The following KIF1B variants were observed in gnomAD, a reference collection of about 807,000 sequenced individuals.
KIF1B encodes the protein kinesin-like protein KIF1B.
In KIF1B, 76 loss-of-function variants were observed where a neutral mutation model predicts 241.9. The observed-to-expected ratio is 0.31, with a 90% CI of 0.26 to 0.38. KIF1B has a LOEUF of 0.38. KIF1B is among the 10% of genes least tolerant of loss of function. KIF1B has a pLI of 1.00. For synonymous variants in KIF1B, 750 were observed against 796.7 expected (o/e 0.94, Z 0.99); for missense variants, 1,622 against 2,271.4 (o/e 0.71, Z 5.81).
intron 25 of KIF1B, 111 bp from the exon 26 acceptor site, chr1:10,324,647 C>G (rs1651655464): frequency 1.6e-6 from 2 of 1,238,418 alleles, no homozygotes; most frequent in Non-Finnish European, 2.4e-6. Flanking sequence ...ACAGTGGGAG[C>G]AACTCCTTTT....
At chr1:10,364,564 AT>A (rs1325172938) in intron 41 of KIF1B, among the ~76,000 whole-genome samples, 9 of 152,228 alleles carry the variant, frequency 5.9e-5, no homozygotes, top group Middle Eastern at 3.4e-3. Context: ...TAACATCATA[AT>A]TTTATCATTT....
chr1:10,345,988 A>G, intron 35 of KIF1B, 35 bp downstream of exon 35: 1 of 1,334,612 alleles, frequency 7.5e-7, no homozygotes, highest in African/African-American at 1.4e-5. Context: ...AAATAAGGCA[A>G]AATGTTTCAA....
Position 10,320,043 on chromosome 1 carries a change from G to A in KIF1B, c.2116G>A (p.Asp706Asn). The change falls in exon 23 of 49, where the codon GAC (aspartate) becomes AAC (asparagine). Residue 706 changes from aspartate (D) to asparagine (N), a missense_variant and splice_region_variant. Coordinates refer to ENST00000676179, the MANE Select transcript of KIF1B (RefSeq NM_001365951.3). ...ADLLLEQQRL[D>N]YESKLQALQK... is the part of the protein sequence containing the mutation. ...TGTTATCTCCTTTCTTTTCATTCAG[G>A]ACTATGAGAGTAAATTGCAGGCCTT... The A allele has an allele frequency of 6.2e-7, 1 of 1,606,700 alleles. No individual in the cohort carries two copies. Among genetic ancestry groups the A allele is most frequent in the South Asian group, 1.1e-5 (1 of 90,886 alleles).
Position 10,277,973 on chromosome 1 carries a change from T to G in KIF1B, c.1038-13T>G. On this transcript the variant is annotated splice_polypyrimidine_tract_variant and intron_variant, in intron 12 of 48. Coordinates refer to ENST00000676179, the MANE Select transcript of KIF1B (RefSeq NM_001365951.3). Reference sequence around the variant, plus strand: ...TGAGAAATGACAAGAACAAATTTTCTTTTTGGATCTAGATATGCAGATCGT... The same window carrying G: ...TGAGAAATGACAAGAACAAATTTTCGTTTTGGATCTAGATATGCAGATCGT... 6.2e-7 allele frequency: 1 copy of G among 1,612,514 alleles called. No individual in the cohort carries two copies. The highest frequency in any genetic ancestry group is 8.5e-7 in the Non-Finnish European group (1 of 1,178,868).
At chr1:10,248,005 G>A (rs540443292) in intron 2 of KIF1B, among the ~76,000 whole-genome samples, 13 of 152,180 alleles carry the variant, frequency 8.5e-5, no homozygotes, top group Admixed American at 2.0e-4. Flanking sequence ...ACAGATGCTC[G>A]CCTGTTGCTC....
intron 32 of KIF1B, among the ~76,000 whole-genome samples, chr1:10,340,932 C>A (rs1556917): frequency 0.35 from 52,610 of 152,108 alleles, 9,274 homozygotes; most frequent in Admixed American, 0.38. Context: ...CATGTCTGCT[C>A]TCTAAAGTAA....
At chr1:10,258,805 A>G (rs1395903926) in intron 4 of KIF1B, 133 bp downstream of exon 4, 2 of 893,974 alleles carry the variant, frequency 2.2e-6, no homozygotes, top group African/African-American at 3.3e-5. Flanking sequence ...TGAACAACCC[A>G]TTATTTTCCC....
chr1:10,248,232 G>A (rs1477618040), intron 2 of KIF1B, among the ~76,000 whole-genome samples: 1 of 152,106 alleles, frequency 6.6e-6, no homozygotes, highest in African/African-American at 2.4e-5. Context: ...GTCTCGTTAT[G>A]TTGCCCAGGC....
chr1:10,349,880 AC>A (rs966707725), intron 37 of KIF1B, among the ~76,000 whole-genome samples: 6 of 152,228 alleles, frequency 3.9e-5, no homozygotes, highest in Admixed American at 3.9e-4. Context: ...TACAAAGGAA[AC>A]CGATAATATT....
chr1:10,249,662 G>A (rs1647330784), intron 2 of KIF1B, among the ~76,000 whole-genome samples: 1 of 152,322 alleles, frequency 6.6e-6, no homozygotes, highest in South Asian at 2.1e-4. Flanking sequence ...AGCACTTTGG[G>A]AGGCCAAAAC....
Position 10,365,632 on chromosome 1 carries a change from A to G in KIF1B, c.4736A>G (p.Lys1579Arg). Residue 1579 changes from lysine (K) to arginine (R), a missense_variant, in exon 43 of 49, where the codon AAA (lysine) becomes AGA (arginine). Transcript: ENST00000676179. The surrounding 1 kb of genome is among the most constrained non-coding windows in gnomAD (Gnocchi z 4.0). ...GDIESLVDRE[K>R]ELATKCLQLL... Reference sequence around the variant, plus strand: ...ATCGAAAGCCTGGTGGACCGAGAGAAAGAGCTGGCTACCAAGGTGTGAATC... The same window carrying G: ...ATCGAAAGCCTGGTGGACCGAGAGAGAGAGCTGGCTACCAAGGTGTGAATC... 6.2e-7 allele frequency: 1 copy of G among 1,614,132 alleles called. No homozygotes were observed. Among genetic ancestry groups the G allele is most frequent in the Non-Finnish European group, 8.5e-7 (1 of 1,180,028 alleles).
chr1:10,303,378 A>G lies in KIF1B; in HGVS notation c.2115+6132A>G. ...TGAGTAAAGATTCCAAGTGGGTCAC[A>G]ATCTCAGATCTTAAAATTCAGGCTG... On this transcript the variant is annotated intron_variant, in intron 22 of 48. Transcript: ENST00000676179. This position sits in a 1 kb window ranked among gnomAD's most constrained non-coding sequence, Gnocchi z 5.2. 6.2e-7 allele frequency: 1 copy of G among 1,614,242 alleles called. No individual in the cohort carries two copies. Among genetic ancestry groups the G allele is most frequent in the Non-Finnish European group, 8.5e-7 (1 of 1,180,040 alleles).
chr1:10,270,792 G>A (rs1319240965), intron 7 of KIF1B, among the ~76,000 whole-genome samples: 1 of 151,994 alleles, frequency 6.6e-6, no homozygotes, highest in South Asian at 2.1e-4. Flanking sequence ...TGGGCGTGGT[G>A]GTGGGCGCCT....
Position 10,380,737 on chromosome 1 carries a change from C to T in KIF1B, c.*4150C>T, listed in dbSNP as rs1276602818. 1.4e-5 allele frequency: 3 copies of T among 214,414 alleles called. No individual in the cohort carries two copies. Among genetic ancestry groups the T allele is most frequent in the East Asian group, 1.4e-4 (2 of 14,362 alleles). The allele number at this position is 214,414 out of a possible 1,614,324, so 13.3% of individuals were successfully genotyped here. A position where few individuals can be genotyped will look rare whatever the true frequency, so the allele number is the denominator to read the frequency against. On this transcript the variant is annotated 3_prime_UTR_variant, in exon 49 of 49. Coordinates refer to ENST00000676179, the MANE Select transcript of KIF1B (RefSeq NM_001365951.3). ...AAAGAAAAGATTCATGATGCTGCTG[C>T]TCCCAGAAGGTTTGCTGGATGTGTT...
At chr1:10,288,764 T>C (rs566557179) in intron 15 of KIF1B, among the ~76,000 whole-genome samples, 1 of 152,318 alleles carries the variant, frequency 6.6e-6, no homozygotes, top group South Asian at 2.1e-4. Context: ...ACCAAACTCA[T>C]ATACTACTTT....
At chr1:10,214,735 A>G (rs1481980066) in intron 1 of KIF1B, among the ~76,000 whole-genome samples, 5 of 151,128 alleles carry the variant, frequency 3.3e-5, no homozygotes. Flanking sequence ...GGTGCACACC[A>G]CCATGCCCAG....
intron 13 of KIF1B, 92 bp from the exon 14 acceptor site, chr1:10,279,005 C>T: frequency 1.2e-6 from 1 of 829,120 alleles, no homozygotes; most frequent in Non-Finnish European, 2.0e-6. Context: ...TTCCATCTCC[C>T]CAAATGCCAA....
intron 1 of KIF1B, among the ~76,000 whole-genome samples, chr1:10,227,432 G>C (rs1183541314): frequency 6.6e-6 from 1 of 152,124 alleles, no homozygotes; most frequent in Admixed American, 6.6e-5. Flanking sequence ...TACTGAATTT[G>C]CCTGTTTATA....
intron 1 of KIF1B, among the ~76,000 whole-genome samples, chr1:10,214,478 T>C (rs1194927593): frequency 4.2e-5 from 6 of 143,930 alleles, no homozygotes; most frequent in South Asian, 4.6e-4. Context: ...TTAGTAGAGA[T>C]GGGGTTTCAC....
Sources: gnomAD v4.1 joint callset for allele counts (sites outside exome capture counted in the v4.1 genomes callset) on GRCh38, gnomAD v4.1.1 for gene constraint, Gnocchi (gnomAD v3.1) non-coding constraint, MANE v1.5 for transcripts, NCBI Gene and HGNC (gene_info 2026-07-23, HGNC 2026-07-21) for gene names.